ARHGAP35: variants seen among roughly 807,000 people sequenced by gnomAD.
The protein encoded by ARHGAP35 is rho GTPase-activating protein 35.
In ARHGAP35, 15 loss-of-function variants were observed where a neutral mutation model predicts 111.1. The ratio of observed to expected loss-of-function variants is 0.13; its 90% CI spans 0.09 to 0.21. ARHGAP35 has a LOEUF of 0.21. Ranked by LOEUF, ARHGAP35 falls within the 10% of genes least tolerant of loss-of-function variation. The pLI, the probability that ARHGAP35 is intolerant of heterozygous loss-of-function variation, is 1.00. For synonymous variants in ARHGAP35, 643 were observed against 710.3 expected, an observed-to-expected ratio of 0.91 and a Z score of 1.51; for missense variants, 1,262 against 1,873.0, an observed-to-expected ratio of 0.67 and a Z score of 6.02.
At chr19:46,969,857 T>C (rs73940793) in intron 3 of ARHGAP35, among the ~76,000 whole-genome samples, 230 of 152,308 alleles carry the variant, frequency 1.5e-3, no homozygotes, top group African/African-American at 5.1e-3. Context: ...GGAATGCTTC[T>C]GTGAATACCC....
At position 47,001,393 on chromosome 19, in the gene ARHGAP35, C is replaced by T; in HGVS notation, c.*705C>T. ...AACACTAGGAGAAAAAATGGAAAAACCCTTCCAGTAATTAAAAAGGAAGAA... is the reference window on the plus strand; with the variant it reads ...AACACTAGGAGAAAAAATGGAAAAATCCTTCCAGTAATTAAAAAGGAAGAA... On this transcript the variant is annotated 3_prime_UTR_variant, in exon 7 of 7. Coordinates refer to ENST00000672722, the MANE Select transcript of ARHGAP35 (RefSeq NM_004491.5). The surrounding 1 kb of genome is among the most constrained non-coding windows in gnomAD (Gnocchi z 5.4). 7.8e-7 allele frequency: 1 copy of T among 1,288,504 alleles called. No individual in the cohort carries two copies. Among genetic ancestry groups the T allele is most frequent in the South Asian group, 1.2e-5 (1 of 80,986 alleles). The allele number at this position is 1,288,504 out of a possible 1,614,324, so 79.8% of individuals were successfully genotyped here.
rs2056651147 is a variant in ARHGAP35 at position 46,986,536 on chromosome 19, ACAT to A, written c.3827-1449_3827-1447del. On this transcript the variant is annotated intron_variant, in intron 3 of 6. Coordinates refer to ENST00000672722, the MANE Select transcript of ARHGAP35 (RefSeq NM_004491.5). The surrounding 1 kb of genome is among the most constrained non-coding windows in gnomAD (Gnocchi z 4.3). ...ATTCTAAGCATAAAAACCAAGGAAG[ACAT>A]CATAAAGGAAATGGCTGGTCTTGAA... Among the ~76,000 whole-genome samples the A allele has an allele frequency of 6.6e-6, 1 of 152,228 alleles. No homozygotes were observed. Among genetic ancestry groups the A allele is most frequent in the Non-Finnish European group, 1.5e-5 (1 of 68,034 alleles).
intron 1 of ARHGAP35, among the ~76,000 whole-genome samples, chr19:46,888,837 CAAAAAAAA>C (rs769595005): frequency 3.8e-4 from 22 of 57,366 alleles, no homozygotes; most frequent in East Asian, 9.1e-4. Context: ...ACTAAAAATA[CAAAAAAAA>C]AAAAAAAAAA....
intron 3 of ARHGAP35, among the ~76,000 whole-genome samples, chr19:46,984,993 C>G (rs988382304): frequency 6.6e-6 from 1 of 152,196 alleles, no homozygotes; most frequent in African/African-American, 2.4e-5. Flanking sequence ...GACTCAGGAA[C>G]GGTGACATTG....
At chr19:46,879,628 A>AAAAATG (rs1332506599) in intron 1 of ARHGAP35, among the ~76,000 whole-genome samples, 5 of 92,100 alleles carry the variant, frequency 5.4e-5, no homozygotes, top group East Asian at 4.5e-4. Flanking sequence ...AAATAAAAAT[A>AAAAATG]CAAAAATTAG....
chr19:46,939,131 T>C (rs1372700279), intron 3 of ARHGAP35, among the ~76,000 whole-genome samples: 1 of 152,012 alleles, frequency 6.6e-6, no homozygotes, highest in Non-Finnish European at 1.5e-5. Context: ...CGGTTTCTCA[T>C]TGTCCATCTT....
rs926255840 is a variant in ARHGAP35, at chr19:46,989,393, C to T, written c.3905-151C>T. On this transcript the variant is annotated intron_variant, in intron 4 of 6. Coordinates refer to ENST00000672722, the MANE Select transcript of ARHGAP35 (RefSeq NM_004491.5). The surrounding 1 kb of genome is among the most constrained non-coding windows in gnomAD (Gnocchi z 5.3). ...GCCTGAACCTCAGAACTCGCGTTAG[C>T]GCTCACAAGTCCCACCCCTCCAATC... The T allele has an allele frequency of 1.5e-5, 15 of 981,646 alleles. No individual in the cohort carries two copies. Among genetic ancestry groups the T allele is most frequent in the African/African-American group, 4.9e-5 (3 of 61,024 alleles). 60.8% of individuals were successfully genotyped at this position (981,646 alleles called of 1,614,324 possible). A position where few individuals can be genotyped will look rare whatever the true frequency, so the allele number is the denominator to read the frequency against.
rs142007911 is a variant in ARHGAP35, at chr19:46,902,891, T to G, written c.-188-15597T>G. 3.9e-4 allele frequency among the ~76,000 whole-genome samples: 60 copies of G among 152,352 alleles called. No homozygotes were observed. In the East Asian group the frequency reaches 0.01, roughly 26 times the overall value. ...TTCACTGGGCAAAAAGGGCTCTTTA[T>G]CTGAATGCAATCTATGATGTCCTCA... is the stretch of plus-strand genomic sequence containing the variant. On this transcript the variant is annotated intron_variant, in intron 1 of 6. Transcript: ENST00000672722.
At chr19:46,981,708 A>G (rs559141353) in intron 3 of ARHGAP35, among the ~76,000 whole-genome samples, 3 of 152,274 alleles carry the variant, frequency 2.0e-5, no homozygotes, top group East Asian at 3.9e-4. Context: ...GCCAGCCACC[A>G]CAGCTCTGAC....
At chr19:46,949,950 T>C (rs1196032039) in intron 3 of ARHGAP35, among the ~76,000 whole-genome samples, 14 of 152,120 alleles carry the variant, frequency 9.2e-5, no homozygotes, top group Admixed American at 9.2e-4. Flanking sequence ...GTAGGCAGTT[T>C]TTAAAACTTC....
In ARHGAP35 at chr19:46,922,481, A is replaced by T; in HGVS notation, c.3681+125A>T. On this transcript the variant is annotated intron_variant, in intron 2 of 6. Coordinates refer to ENST00000672722, the MANE Select transcript of ARHGAP35 (RefSeq NM_004491.5). The surrounding 1 kb of genome is among the most constrained non-coding windows in gnomAD (Gnocchi z 4.0). ...AAAAACTGCCCTGTGTGTGTATTTGACTTAACATAAAAAAGCAGTGCCTCA... is the reference window on the plus strand; with the variant it reads ...AAAAACTGCCCTGTGTGTGTATTTGTCTTAACATAAAAAAGCAGTGCCTCA... 1 of 941,444 alleles carries T rather than the reference A, an allele frequency of 1.1e-6. No homozygotes were observed. Among genetic ancestry groups the T allele is most frequent in the Non-Finnish European group, 1.5e-6 (1 of 663,352 alleles). The allele number at this position is 941,444 out of a possible 1,614,324, so 58.3% of individuals were successfully genotyped here.
At chr19:46,976,761 C>T (rs946984207) in intron 3 of ARHGAP35, among the ~76,000 whole-genome samples, 9 of 152,220 alleles carry the variant, frequency 5.9e-5, no homozygotes, top group African/African-American at 1.7e-4. Flanking sequence ...TACCCACTCT[C>T]GGCTGCAGGA....
rs2056371808 is a variant in ARHGAP35, at chr19:46,945,157, G to T, written c.3826+7749G>T. On this transcript the variant is annotated intron_variant, in intron 3 of 6. Coordinates refer to ENST00000672722, the MANE Select transcript of ARHGAP35 (RefSeq NM_004491.5). This position sits in a 1 kb window ranked among gnomAD's most constrained non-coding sequence, Gnocchi z 4.1. ...GCTCTGGGACCGCCACTGAGAGTGG[G>T]AAGGAGGCGGGGTTGAGGGGGAGCT... is the stretch of plus-strand genomic sequence containing the variant. Among the ~76,000 whole-genome samples, 1 of 152,208 alleles carries T rather than the reference G, an allele frequency of 6.6e-6. No homozygotes were observed. The highest frequency in any genetic ancestry group is 2.4e-5 in the African/African-American group (1 of 41,456).
Position 46,937,275 on chromosome 19 carries a change from C to T in ARHGAP35, c.3693C>T (p.Pro1231=), listed in dbSNP as rs1338853014. 6.2e-7 allele frequency: 1 copy of T among 1,613,648 alleles called. No homozygotes were observed. The highest frequency in any genetic ancestry group is 1.3e-5 in the African/African-American group (1 of 74,900). ...SLRRNTKKPK[P]KPRPSITKAT... ...TCTTTCCTGGACAGAAACCAAAGCC[C>T]AAACCCCGGCCATCCATCACAAAGG... is the stretch of plus-strand genomic sequence containing the variant. Residue 1231 remains proline (P), a synonymous_variant, in exon 3 of 7, where the codon CCC becomes CCT. Coordinates refer to ENST00000672722, the MANE Select transcript of ARHGAP35 (RefSeq NM_004491.5).
intron 3 of ARHGAP35, among the ~76,000 whole-genome samples, chr19:46,973,956 A>G (rs1599858186): frequency 6.6e-6 from 1 of 151,786 alleles, no homozygotes; most frequent in Admixed American, 6.6e-5. Flanking sequence ...AGATTGCGCC[A>G]CTGCACTCCA....
At chr19:46,937,105 G>A (rs373286067) in intron 2 of ARHGAP35, among the ~76,000 whole-genome samples, 159 bp from the exon 3 acceptor site, 1 of 152,292 alleles carries the variant, frequency 6.6e-6, no homozygotes, top group East Asian at 1.9e-4. Context: ...CTCCCAAAGT[G>A]CTGGGAATAC....
intron 3 of ARHGAP35, among the ~76,000 whole-genome samples, chr19:46,957,498 A>C (rs1209254422): frequency 1.3e-5 from 2 of 152,176 alleles, no homozygotes. Context: ...CTGCAGTCCC[A>C]GCTACTTGGG....
intron 1 of ARHGAP35, among the ~76,000 whole-genome samples, chr19:46,877,248 CAAAAAAAA>C (rs35968599): frequency 8.9e-5 from 8 of 89,868 alleles, no homozygotes; most frequent in African/African-American, 1.4e-4. Flanking sequence ...AAAACTGTCT[CAAAAAAAA>C]AAAAAAAAAA....
chr19:46,977,397 A>C (rs1234567109), intron 3 of ARHGAP35, among the ~76,000 whole-genome samples: 1 of 152,252 alleles, frequency 6.6e-6, no homozygotes. Flanking sequence ...CTTAGGGAGC[A>C]GCTCCTCCAT....
Sources: allele counts gnomAD v4.1 joint callset (sites outside exome capture counted in the v4.1 genomes callset), GRCh38; gene constraint gnomAD v4.1.1; non-coding constraint Gnocchi (gnomAD v3.1); transcripts MANE v1.5; gene names NCBI Gene and HGNC (gene_info 2026-07-23, HGNC 2026-07-21).